Variants in RBMS3 observed in about 807,000 individuals in gnomAD.
RBMS3 encodes the protein RNA-binding motif, single-stranded-interacting protein 3.
RBMS3 carries 27 observed loss-of-function variants against 66.8 expected under a neutral mutation model. The observed-to-expected ratio is 0.40, with a 90% CI of 0.30 to 0.56. The LOEUF is 0.56. Among genes scored for constraint, RBMS3 ranks in the 20% least tolerant of loss-of-function variants. The probability of loss-of-function intolerance (pLI) is 0.40; values close to 1 mark genes in which losing one functional copy is unlikely to be tolerated. For synonymous variants in RBMS3, 188 were observed against 183.0 expected (o/e 1.03, Z -0.22); for missense variants, 513 against 549.5 (o/e 0.93, Z 0.66).
At chr3:29,407,141 A>G (rs1300746700) in intron 1 of RBMS3, among the ~76,000 whole-genome samples, 1 of 152,248 alleles carries the variant, frequency 6.6e-6, no homozygotes, top group African/African-American at 2.4e-5. Flanking sequence ...AAACAAGAAC[A>G]ATACAAATGA....
intron 14 of RBMS3, among the ~76,000 whole-genome samples, chr3:30,000,364 G>GCAAT (rs749089084): frequency 6.6e-6 from 1 of 152,142 alleles, no homozygotes; most frequent in South Asian, 2.1e-4. Context: ...AGTTAGAATG[G>GCAAT]CAATCATTAA....
chr3:29,583,531 G>A (rs1257749771), intron 3 of RBMS3, among the ~76,000 whole-genome samples: 1 of 152,012 alleles, frequency 6.6e-6, no homozygotes, highest in Non-Finnish European at 1.5e-5. Flanking sequence ...TAGATGTTAG[G>A]TACAGTCCCA....
chr3:29,374,269 C>T lies in RBMS3; in HGVS notation c.76-60474C>T, dbSNP rs533006794. 7.9e-5 allele frequency among the ~76,000 whole-genome samples: 12 copies of T among 152,268 alleles called. No homozygotes were observed. The East Asian group carries it at 1.9e-3, about 24-fold the overall frequency. On this transcript the variant is annotated intron_variant, in intron 1 of 14. Coordinates refer to ENST00000383767, the MANE Select transcript of RBMS3 (RefSeq NM_001003793.3). ...AGTTGATTTTATAAGGAGAATATAT[C>T]AGTAAAGATGTAGAAGTTACTGGTT...
intron 14 of RBMS3, 93 bp from the exon 15 acceptor site, chr3:30,003,763 A>G (rs1699716742): frequency 1.2e-6 from 1 of 856,972 alleles, no homozygotes; most frequent in Non-Finnish European, 1.7e-6. Context: ...AAAGCTTGGT[A>G]TCTTTTAAAG....
At chr3:29,747,009 T>A (rs2054929836) in intron 5 of RBMS3, among the ~76,000 whole-genome samples, 1 of 152,192 alleles carries the variant, frequency 6.6e-6, no homozygotes, top group South Asian at 2.1e-4. Flanking sequence ...TCAGGGCTCA[T>A]AACATGTCTT....
intron 6 of RBMS3, among the ~76,000 whole-genome samples, chr3:29,842,064 G>A (rs1405650036): frequency 1.3e-5 from 2 of 152,084 alleles, no homozygotes; most frequent in African/African-American, 4.8e-5. Flanking sequence ...GCTGTTCTTA[G>A]ACTTGAGTTA....
chr3:29,490,178 AAAATTTAAAAT>A (rs2043487988), intron 3 of RBMS3, among the ~76,000 whole-genome samples: 2 of 106,316 alleles, frequency 1.9e-5, no homozygotes, highest in African/African-American at 1.0e-4. Flanking sequence ...ATTTAAAATT[AAAATTTAAAAT>A]TTTGAGCAGA....
chr3:29,365,343 T>C (rs542526162), intron 1 of RBMS3, among the ~76,000 whole-genome samples: 4 of 151,962 alleles, frequency 2.6e-5, no homozygotes, highest in Admixed American at 1.3e-4. Context: ...CTTTAAAAAA[T>C]TTTTTAGATA....
In RBMS3 at chr3:29,422,589, TTTC is replaced by T. The variant is rs902707191; in HGVS notation, c.76-12151_76-12149del. Among the ~76,000 whole-genome samples the T allele has an allele frequency of 5.3e-5, 8 of 152,098 alleles. No individual in the cohort carries two copies. The East Asian group carries it at 9.7e-4, about 18-fold the overall frequency. ...GAAGTTTGTGTAAATATTTTATAAG[TTTC>T]TTATTATAAAAATTATAATAAATTT... On this transcript the variant is annotated intron_variant, in intron 1 of 14. Coordinates refer to ENST00000383767, the MANE Select transcript of RBMS3 (RefSeq NM_001003793.3).
chr3:29,905,580 A>G lies in RBMS3; in HGVS notation c.939+5825A>G, dbSNP rs576014573. On this transcript the variant is annotated intron_variant, in intron 10 of 14. Transcript: ENST00000383767. ...TTTTATCTTTGTATCTGTTTTCCAAATGCTCTTCTGTCCTGCTTCTCTATT... is the reference window on the plus strand; with the variant it reads ...TTTTATCTTTGTATCTGTTTTCCAAGTGCTCTTCTGTCCTGCTTCTCTATT... Among the ~76,000 whole-genome samples, 5 of 152,126 alleles carry G rather than the reference A, an allele frequency of 3.3e-5. No individual in the cohort carries two copies. In the Middle Eastern group the frequency reaches 0.01, roughly 310 times the overall value.
chr3:29,418,241 C>G (rs1380485136), intron 1 of RBMS3, among the ~76,000 whole-genome samples: 1 of 152,136 alleles, frequency 6.6e-6, no homozygotes, highest in African/African-American at 2.4e-5. Context: ...TCTCAGTCTT[C>G]TAATCAAGAT....
At chr3:29,950,970 A>T (rs1290195070) in intron 12 of RBMS3, among the ~76,000 whole-genome samples, 1 of 151,890 alleles carries the variant, frequency 6.6e-6, no homozygotes, top group Non-Finnish European at 1.5e-5. Context: ...ATTTTCCCTT[A>T]GCCTTGGTTA....
chr3:29,408,609 ACTCT>A (rs2040129846), intron 1 of RBMS3, among the ~76,000 whole-genome samples: 1 of 151,888 alleles, frequency 6.6e-6, no homozygotes, highest in Admixed American at 6.6e-5. Flanking sequence ...CAGACTTCTG[ACTCT>A]CTAATGTCAT....
At chr3:29,501,497 C>T (rs2043971429) in intron 3 of RBMS3, among the ~76,000 whole-genome samples, 2 of 152,144 alleles carry the variant, frequency 1.3e-5, no homozygotes, top group Admixed American at 6.5e-5. Flanking sequence ...TTTGTGAAAA[C>T]ATCCGACGCT....
intron 1 of RBMS3, among the ~76,000 whole-genome samples, chr3:29,395,796 G>A (rs1343742018): frequency 6.6e-5 from 10 of 152,150 alleles, no homozygotes; most frequent in African/African-American, 2.4e-5. Context: ...TGATCAAATT[G>A]CTACTAAGTA....
chr3:29,912,219 CG>C (rs1185413942), intron 10 of RBMS3, among the ~76,000 whole-genome samples: 1 of 151,894 alleles, frequency 6.6e-6, no homozygotes, highest in Non-Finnish European at 1.5e-5. Context: ...ATATTTCTCC[CG>C]TTCTATTTTG....
intron 3 of RBMS3, among the ~76,000 whole-genome samples, chr3:29,535,741 T>TTTTTA: frequency 7.3e-6 from 1 of 136,692 alleles, no homozygotes; most frequent in South Asian, 2.4e-4. Context: ...TTTTTTTTTT[T>TTTTTA]GCTGGTAAAT....
At chr3:29,361,734 G>A (rs958054714) in intron 1 of RBMS3, among the ~76,000 whole-genome samples, 1 of 152,152 alleles carries the variant, frequency 6.6e-6, no homozygotes, top group Non-Finnish European at 1.5e-5. Flanking sequence ...TTTCTTGGAG[G>A]CTTTGCTTAT....
At chr3:29,630,008 A>G (rs1343844401) in intron 4 of RBMS3, among the ~76,000 whole-genome samples, 1 of 152,092 alleles carries the variant, frequency 6.6e-6, no homozygotes, top group Non-Finnish European at 1.5e-5. Context: ...GGATGTCAGA[A>G]ACTAAAAACC....
Sources: gnomAD v4.1 joint callset for allele counts (sites outside exome capture counted in the v4.1 genomes callset) on GRCh38, gnomAD v4.1.1 for gene constraint, MANE v1.5 for transcripts, NCBI Gene and HGNC (gene_info 2026-07-23, HGNC 2026-07-21) for gene names.